Variants in TENM2 observed in about 807,000 individuals in gnomAD.
The protein encoded by TENM2 is teneurin transmembrane protein 2, also known as teneurin-2.
Under a neutral mutation model 245.2 loss-of-function variants are expected in TENM2, and 52 were observed. That is an observed-to-expected ratio of 0.21 (90% CI 0.17 to 0.27). TENM2 has a LOEUF of 0.27. TENM2 is among the 10% of genes least tolerant of loss of function. The pLI is 1.00. For synonymous variants in TENM2, 1,363 were observed against 1,438.9 expected (o/e 0.95, Z 1.19); for missense variants, 3,046 against 3,666.8 (o/e 0.83, Z 4.37).
intron 1 of TENM2, among the ~76,000 whole-genome samples, chr5:167,309,034 T>C (rs1438306678): frequency 6.9e-6 from 1 of 144,728 alleles, no homozygotes; most frequent in Admixed American, 7.1e-5. Flanking sequence ...TCTCTATCTA[T>C]ATTGTGTGTG....
intron 5 of TENM2, among the ~76,000 whole-genome samples, chr5:167,996,313 C>A (rs1378119033): frequency 1.3e-5 from 2 of 152,082 alleles, no homozygotes; most frequent in African/African-American, 4.8e-5. Context: ...CTTTTATGAT[C>A]TGCTCCTCCA....
intron 3 of TENM2, among the ~76,000 whole-genome samples, chr5:167,941,568 G>A (rs7731744): frequency 0.011 from 1,737 of 152,004 alleles, 40 homozygotes; most frequent in African/African-American, 0.04. Flanking sequence ...AATCCTGGCT[G>A]GGTGTAGTGG....
intron 4 of TENM2, among the ~76,000 whole-genome samples, chr5:167,963,695 G>T (rs970202565): frequency 1.3e-5 from 2 of 152,182 alleles, no homozygotes; most frequent in Admixed American, 6.5e-5. Context: ...CCTTAGACCA[G>T]TGGGGAGTGG....
the TENM2 span, among the ~76,000 whole-genome samples, chr5:166,991,875 C>G: frequency 3.9e-5 from 6 of 152,062 alleles, no homozygotes; most frequent in African/African-American, 1.4e-4. Context: ...TGAAAAGACA[C>G]CAGCTTTAGG....
At chr5:167,607,587 A>G (rs957425327) in intron 2 of TENM2, among the ~76,000 whole-genome samples, 2 of 152,172 alleles carry the variant, frequency 1.3e-5, no homozygotes, top group African/African-American at 4.8e-5. Flanking sequence ...ATTGCTTCTC[A>G]CATATATTGT....
chr5:168,129,046 C>T (rs1266395695), intron 12 of TENM2: 1 of 151,944 alleles, frequency 6.6e-6, no homozygotes, highest in Admixed American at 6.6e-5. Flanking sequence ...TCCACACCCC[C>T]ATTAAGAAAA....
intron 5 of TENM2, among the ~76,000 whole-genome samples, chr5:168,022,193 G>A (rs1398550979): frequency 6.6e-6 from 1 of 152,210 alleles, no homozygotes; most frequent in African/African-American, 2.4e-5. Flanking sequence ...ACCGTGCCGG[G>A]GGCTGGGGAT....
At chr5:167,663,254 T>C (rs772654150) in intron 2 of TENM2, among the ~76,000 whole-genome samples, 2 of 151,280 alleles carry the variant, frequency 1.3e-5, no homozygotes, top group Non-Finnish European at 3.0e-5. Context: ...TAAGGACCAC[T>C]ACACCAAGAG....
At chr5:168,200,206 C>A in intron 17 of TENM2, 75 bp downstream of exon 19, 1 of 1,373,060 alleles carries the variant, frequency 7.3e-7, no homozygotes, top group Non-Finnish European at 1.0e-6. Context: ...TTATTGAGTT[C>A]CGAGGATATG....
the TENM2 span, among the ~76,000 whole-genome samples, chr5:167,195,383 C>T: frequency 6.6e-6 from 1 of 151,968 alleles, no homozygotes; most frequent in African/African-American, 2.4e-5. Flanking sequence ...TTTTATTGAG[C>T]ACATACTATA....
At chr5:167,388,556 T>G (rs1761578369) in intron 2 of TENM2, among the ~76,000 whole-genome samples, 1 of 151,146 alleles carries the variant, frequency 6.6e-6, no homozygotes, top group East Asian at 1.9e-4. Flanking sequence ...TTGGGTTTGG[T>G]TTTTTTTTGT....
chr5:167,575,735 CAA>C (rs1774620428), intron 2 of TENM2, among the ~76,000 whole-genome samples: 1 of 152,162 alleles, frequency 6.6e-6, no homozygotes, highest in African/African-American at 2.4e-5. Flanking sequence ...AAGATGCAGA[CAA>C]GAGAAAAAGA....
chr5:167,016,453 C>A, the TENM2 span, among the ~76,000 whole-genome samples: 2,316 of 152,030 alleles, frequency 0.015, 53 homozygotes, highest in African/African-American at 0.053. Context: ...CTTACGAATT[C>A]CTGATTATGT....
intron 2 of TENM2, among the ~76,000 whole-genome samples, chr5:167,530,219 G>A (rs549273094): frequency 1.3e-5 from 2 of 152,194 alleles, no homozygotes; most frequent in African/African-American, 4.8e-5. Context: ...TGACAGATCG[G>A]ATTTTAAAAA....
chr5:167,864,053 G>T (rs1772088847), intron 2 of TENM2, among the ~76,000 whole-genome samples: 1 of 152,092 alleles, frequency 6.6e-6, no homozygotes, highest in Non-Finnish European at 1.5e-5. Context: ...GACTCCCAAG[G>T]CATATAATCT....
intron 2 of TENM2, among the ~76,000 whole-genome samples, chr5:167,806,337 C>T (rs978852011): frequency 6.6e-6 from 1 of 151,898 alleles, no homozygotes; most frequent in Non-Finnish European, 1.5e-5. Context: ...TTTTGGAGAG[C>T]CCAATGAGGT....
intron 15 of TENM2, 45 bp from the exon 18 acceptor site, chr5:168,198,807 TA>T: frequency 6.3e-7 from 1 of 1,594,420 alleles, no homozygotes; most frequent in African/African-American, 1.3e-5. Context: ...CTGCCTTGTC[TA>T]AAAGTGAGTC....
chr5:167,747,494 C>G (rs1174196124), intron 2 of TENM2, among the ~76,000 whole-genome samples: 2 of 152,214 alleles, frequency 1.3e-5, no homozygotes, highest in Non-Finnish European at 2.9e-5. Flanking sequence ...TGTTCCCCTA[C>G]AACTTTCTCA....
intron 2 of TENM2, among the ~76,000 whole-genome samples, chr5:167,811,020 G>A (rs765706457): frequency 1.9e-4 from 29 of 152,216 alleles, no homozygotes; most frequent in African/African-American, 3.6e-4. Flanking sequence ...TGAAAGACAC[G>A]TCTGAGACTT....
Sources: allele counts gnomAD v4.1 joint callset (sites outside exome capture counted in the v4.1 genomes callset), GRCh38; gene constraint gnomAD v4.1.1; transcripts MANE v1.5; gene names NCBI Gene and HGNC (gene_info 2026-07-23, HGNC 2026-07-21).